KCND3: variants seen among roughly 807,000 people sequenced by gnomAD.
The protein encoded by KCND3 is potassium voltage-gated channel subfamily D member 3.
A neutral mutation model predicts 51.1 loss-of-function variants in KCND3; 9 were observed. The ratio of observed to expected loss-of-function variants is 0.18; its 90% CI spans 0.11 to 0.31. KCND3 has a LOEUF of 0.31. Ranked by LOEUF, KCND3 falls within the 10% of genes least tolerant of loss-of-function variation. KCND3 has a pLI of 1.00. For missense variants in KCND3, 526 were observed against 903.8 expected, an observed-to-expected ratio of 0.58 and a Z score of 5.36; for synonymous variants, 349 against 368.0, an observed-to-expected ratio of 0.95 and a Z score of 0.59.
At chr1:111,832,331 C>G (rs1176226933) in intron 2 of KCND3, among the ~76,000 whole-genome samples, 2 of 152,150 alleles carry the variant, frequency 1.3e-5, no homozygotes, top group Non-Finnish European at 2.9e-5. Flanking sequence ...CGTTGGGTGA[C>G]AATGTGGACC....
intron 2 of KCND3, among the ~76,000 whole-genome samples, chr1:111,842,943 A>T (rs1310311538): frequency 6.6e-6 from 1 of 152,222 alleles, no homozygotes; most frequent in Admixed American, 6.5e-5. Context: ...GAGGGCAAAG[A>T]TTATGCTATG....
At chr1:111,880,208 G>A (rs1000395957) in intron 2 of KCND3, among the ~76,000 whole-genome samples, 5 of 152,162 alleles carry the variant, frequency 3.3e-5, no homozygotes, top group African/African-American at 1.2e-4. Flanking sequence ...AATATAGGGA[G>A]ATCCTAAACG....
At chr1:111,855,694 C>T (rs1028921854) in intron 2 of KCND3, among the ~76,000 whole-genome samples, 1 of 152,134 alleles carries the variant, frequency 6.6e-6, no homozygotes, top group African/African-American at 2.4e-5. Flanking sequence ...TCCATAACCC[C>T]CTGCTGCACA....
At chr1:111,834,352 T>G (rs918182817) in intron 2 of KCND3, among the ~76,000 whole-genome samples, 6 of 152,146 alleles carry the variant, frequency 3.9e-5, no homozygotes, top group Non-Finnish European at 8.8e-5. Flanking sequence ...GAGAAGAGCT[T>G]GAAAAACAAA....
chr1:111,968,616 G>T (rs531851847), intron 2 of KCND3, among the ~76,000 whole-genome samples: 1 of 152,136 alleles, frequency 6.6e-6, no homozygotes, highest in Non-Finnish European at 1.5e-5. Context: ...CCCTACCCCC[G>T]GCCCCATCTC....
chr1:111,862,047 T>C (rs140414937), intron 2 of KCND3, among the ~76,000 whole-genome samples: 13 of 152,278 alleles, frequency 8.5e-5, no homozygotes, highest in African/African-American at 2.9e-4. Context: ...TGCATTTCCT[T>C]ATGGCCTGTA....
intron 2 of KCND3, among the ~76,000 whole-genome samples, chr1:111,817,824 G>A (rs571742591): frequency 5.9e-5 from 9 of 152,306 alleles, no homozygotes; most frequent in East Asian, 1.9e-4. Flanking sequence ...GATCTATTGC[G>A]TCAATATGTG....
intron 2 of KCND3, among the ~76,000 whole-genome samples, chr1:111,900,138 C>T (rs1330517933): frequency 6.6e-6 from 1 of 152,114 alleles, no homozygotes; most frequent in Non-Finnish European, 1.5e-5. Flanking sequence ...ATATGCAGGG[C>T]TGCTGGGCAC....
At chr1:111,937,039 G>T (rs542909336) in intron 2 of KCND3, among the ~76,000 whole-genome samples, 2 of 152,210 alleles carry the variant, frequency 1.3e-5, no homozygotes, top group Non-Finnish European at 2.9e-5. Context: ...TCTCAGGAGA[G>T]AATGCATAAA....
intron 7 of KCND3, among the ~76,000 whole-genome samples, chr1:111,776,728 C>G (rs1664131727): frequency 6.6e-6 from 1 of 151,900 alleles, no homozygotes; most frequent in African/African-American, 2.4e-5. Flanking sequence ...TGTACCAGAT[C>G]AGGTCATTTT....
rs556048508 is a variant in KCND3 at position 111,908,091 on chromosome 1, C to T, written c.1106+73530G>A. Among the ~76,000 whole-genome samples, 4 of 152,346 alleles carry T rather than the reference C, an allele frequency of 2.6e-5. No homozygotes were observed. In the East Asian group the frequency reaches 7.7e-4, roughly 29 times the overall value. On this transcript the variant is annotated intron_variant, in intron 2 of 7. Transcript: ENST00000302127. ...CAGCTTTACTTGCGTTGTTCCTCTT[C>T]CCTTGGTTTCCCTGAAAACACTCTG...
intron 2 of KCND3, among the ~76,000 whole-genome samples, chr1:111,835,981 CA>C (rs1667048020): frequency 6.6e-6 from 1 of 152,200 alleles, no homozygotes; most frequent in Non-Finnish European, 1.5e-5. Context: ...CATCTGTGAT[CA>C]TCTAGTGTAC....
chr1:111,977,127 G>A (rs1674677123), intron 2 of KCND3, among the ~76,000 whole-genome samples: 1 of 152,246 alleles, frequency 6.6e-6, no homozygotes, highest in South Asian at 2.1e-4. Context: ...CCCCAAGTAG[G>A]TGGACACTAT....
chr1:111,982,525 T>C lies in KCND3; in HGVS notation c.202A>G (p.Ser68Gly). ...TTGAAGAAGAACTCCTTCTCCGTGC[T>C]GCCCAGCAGGGTGTCCGGGTAGCGC... ...LERYPDTLLG[S>G]TEKEFFFNED... The change falls in exon 2 of 8, where the codon AGC (serine) becomes GGC (glycine). Residue 68 changes from serine to glycine, a missense_variant. By Grantham distance (56) the Ser-to-Gly change is moderately conservative. Transcript: ENST00000302127. The surrounding 1 kb of genome is among the most constrained non-coding windows in gnomAD (Gnocchi z 8.5). 2 of 1,607,338 alleles carry C rather than the reference T, an allele frequency of 1.2e-6. No individual in the cohort carries two copies. Among genetic ancestry groups the C allele is most frequent in the Middle Eastern group, 1.7e-4 (1 of 6,042 alleles).
chr1:111,972,733 TC>T (rs1241783609), intron 2 of KCND3, among the ~76,000 whole-genome samples: 3 of 152,226 alleles, frequency 2.0e-5, no homozygotes, highest in Non-Finnish European at 4.4e-5. Context: ...ATACTCCAAT[TC>T]CCCACTATAT....
Position 111,835,557 on chromosome 1 carries a change from G to GA in KCND3, c.1107-48452dup, listed in dbSNP as rs573017297. ...AGCTGGCCAAAACCAAGATGGCAAT[G>GA]AAAGTGACCTCTGGTCATCCTCACT... On this transcript the variant is annotated intron_variant, in intron 2 of 7. Coordinates refer to ENST00000302127, the MANE Select transcript of KCND3 (RefSeq NM_001378969.1). Among the ~76,000 whole-genome samples, 200 of 152,296 alleles carry GA rather than the reference G, an allele frequency of 1.3e-3. 1 individual carries two copies. The highest frequency in any genetic ancestry group is 4.6e-3 in the African/African-American group (193 of 41,566).
intron 3 of KCND3, among the ~76,000 whole-genome samples, chr1:111,784,145 C>CT (rs1326179689): frequency 0.098 from 12,217 of 125,060 alleles, 598 homozygotes; most frequent in Non-Finnish European, 0.12. Context: ...ACACACACAC[C>CT]AGTCCAAGTA....
At chr1:111,913,018 T>C (rs551091320) in intron 2 of KCND3, among the ~76,000 whole-genome samples, 3 of 152,224 alleles carry the variant, frequency 2.0e-5, no homozygotes, top group Non-Finnish European at 4.4e-5. Flanking sequence ...GCCTTCATAT[T>C]CACTCACCCC....
At chr1:111,838,762 C>A (rs991010054) in intron 2 of KCND3, among the ~76,000 whole-genome samples, 4 of 152,186 alleles carry the variant, frequency 2.6e-5, no homozygotes, top group African/African-American at 9.7e-5. Flanking sequence ...CACAAATCAC[C>A]TTTTAAGATG....
Sources: allele counts gnomAD v4.1 joint callset (sites outside exome capture counted in the v4.1 genomes callset), GRCh38; gene constraint gnomAD v4.1.1; non-coding constraint Gnocchi (gnomAD v3.1); transcripts MANE v1.5; gene names NCBI Gene and HGNC (gene_info 2026-07-23, HGNC 2026-07-21).